Variants in GNG2 observed in about 807,000 individuals in gnomAD.
GNG2 encodes guanine nucleotide-binding protein G(I)/G(S)/G(O) subunit gamma-2.
A neutral mutation model predicts 5.5 loss-of-function variants in GNG2; 5 were observed. The observed-to-expected ratio is 0.91, with a 90% CI of 0.48 to 1.92. The LOEUF (loss-of-function observed/expected upper bound fraction) is 1.92. GNG2 is among the 30% of genes most tolerant of loss of function. The probability of loss-of-function intolerance (pLI) is 0.01; values close to 1 mark genes in which losing one functional copy is unlikely to be tolerated. For missense variants in GNG2, 55 were observed against 88.4 expected, an observed-to-expected ratio of 0.62 and a Z score of 1.52; for synonymous variants, 28 against 32.0, an observed-to-expected ratio of 0.88 and a Z score of 0.42.
intron 1 of GNG2, among the ~76,000 whole-genome samples, chr14:51,873,549 G>C (rs1193506516): frequency 6.6e-6 from 1 of 152,226 alleles, no homozygotes; most frequent in South Asian, 2.1e-4. Context: ...ATTGAATATA[G>C]GTTAGCCATA....
At position 51,877,978 on chromosome 14, in the gene GNG2, A is replaced by G. The variant is rs369582706; in HGVS notation, c.-30+321A>G. The stretch of plus-strand genomic sequence containing the variant: ...TTAATAGGTGGCAGACATTGAGGGC[A>G]TACCCTGTGCAAGATAAAGCCTCAG... On this transcript the variant is annotated intron_variant, in intron 2 of 3. Coordinates refer to ENST00000556766, the MANE Select transcript of GNG2 (RefSeq NM_053064.5). The G allele has an allele frequency of 1.7e-4, 37 of 213,058 alleles. No individual in the cohort carries two copies. The East Asian group carries it at 3.6e-3, about 21-fold the overall frequency. The allele number at this position is 213,058 out of a possible 1,614,324, so 13.2% of individuals were successfully genotyped here.
chr14:51,906,001 G>A (rs948255785), intron 2 of GNG2, among the ~76,000 whole-genome samples: 1 of 152,204 alleles, frequency 6.6e-6, no homozygotes, highest in African/African-American at 2.4e-5. Context: ...TTTATTAGCA[G>A]CATGAGAACA....
chr14:51,941,446 T>A (rs1778093477), intron 2 of GNG2, among the ~76,000 whole-genome samples: 1 of 152,238 alleles, frequency 6.6e-6, no homozygotes. Flanking sequence ...AATCCTAACT[T>A]GTAAATACAC....
chr14:51,903,504 TATTGGTGATG>T (rs554025681), intron 2 of GNG2, among the ~76,000 whole-genome samples: 129 of 152,334 alleles, frequency 8.5e-4, no homozygotes, highest in Non-Finnish European at 1.6e-3. Flanking sequence ...GCTCAAATAT[TATTGGTGATG>T]TTCAAAATCT....
intron 3 of GNG2, among the ~76,000 whole-genome samples, chr14:51,961,948 T>A (rs1173231433): frequency 6.6e-6 from 1 of 152,172 alleles, no homozygotes; most frequent in African/African-American, 2.4e-5. Context: ...AGGTTTTAAA[T>A]AGGAGAATGA....
At chr14:51,891,632 G>A (rs1171121291) in intron 2 of GNG2, among the ~76,000 whole-genome samples, 6 of 152,064 alleles carry the variant, frequency 3.9e-5, no homozygotes, top group South Asian at 4.1e-4. Context: ...ATATGGTTTA[G>A]TTTCACCTGT....
At chr14:51,864,516 A>G (rs1242781845) in intron 1 of GNG2, among the ~76,000 whole-genome samples, 1 of 152,226 alleles carries the variant, frequency 6.6e-6, no homozygotes, top group Non-Finnish European at 1.5e-5. Context: ...CGTAAATAAA[A>G]TACTCCTCTC....
intron 2 of GNG2, among the ~76,000 whole-genome samples, chr14:51,845,460 C>T (rs1881597181): frequency 6.6e-6 from 1 of 152,226 alleles, no homozygotes; most frequent in Admixed American, 6.5e-5. Flanking sequence ...TACCACTGCA[C>T]TCCAACCTGG....
chr14:51,945,631 G>A lies in GNG2; in HGVS notation c.-29-5019G>A, dbSNP rs992665882. The stretch of plus-strand genomic sequence containing the variant: ...TGGTGATGATTGCACAACAGTATAC[G>A]TGTATTTAATACCACTGAACTATAT... On this transcript the variant is annotated intron_variant, in intron 2 of 3. Coordinates refer to ENST00000556766, the MANE Select transcript of GNG2 (RefSeq NM_053064.5). Among the ~76,000 whole-genome samples the A allele has an allele frequency of 1.2e-4, 18 of 152,222 alleles. No individual in the cohort carries two copies. The South Asian group carries it at 2.3e-3, about 19-fold the overall frequency.
intron 2 of GNG2, among the ~76,000 whole-genome samples, chr14:51,945,206 T>C (rs1280400361): frequency 6.6e-6 from 1 of 152,030 alleles, no homozygotes; most frequent in African/African-American, 2.4e-5. Context: ...CCCCCAAAAT[T>C]GGAAGCAGGG....
At position 51,941,928 on chromosome 14, in the gene GNG2, T is replaced by C. The variant is rs577207035; in HGVS notation, c.-29-8722T>C. 3.3e-5 allele frequency among the ~76,000 whole-genome samples: 5 copies of C among 152,348 alleles called. No individual in the cohort carries two copies. In the East Asian group the frequency reaches 9.6e-4, roughly 29 times the overall value. ...TCTTCAGTCTGGAATTCAGGTGGGA[T>C]AATTAGGGCATTCTTTCAGAATTCT... On this transcript the variant is annotated intron_variant, in intron 2 of 3. Coordinates refer to ENST00000556766, the MANE Select transcript of GNG2 (RefSeq NM_053064.5).
chr14:51,937,602 T>A (rs761870552), intron 2 of GNG2, among the ~76,000 whole-genome samples: 1 of 148,208 alleles, frequency 6.7e-6, no homozygotes, highest in African/African-American at 2.5e-5. Flanking sequence ...GCTATGTATT[T>A]CTTTACAAAA....
chr14:51,861,731 G>T (rs1594846826), intron 1 of GNG2, among the ~76,000 whole-genome samples: 1 of 152,160 alleles, frequency 6.6e-6, no homozygotes, highest in Non-Finnish European at 1.5e-5. Flanking sequence ...ACACTAAATA[G>T]GTCTAGCAGA....
chr14:51,885,830 T>C (rs1018990468), intron 2 of GNG2, among the ~76,000 whole-genome samples: 1 of 152,200 alleles, frequency 6.6e-6, no homozygotes, highest in Non-Finnish European at 1.5e-5. Flanking sequence ...AGTATTTGTT[T>C]TGGGCTCAGA....
intron 2 of GNG2, among the ~76,000 whole-genome samples, chr14:51,908,800 G>A (rs1270564678): frequency 2.1e-5 from 3 of 142,370 alleles, no homozygotes; most frequent in South Asian, 2.2e-4. Context: ...GGCTGGCCTC[G>A]AACTCCTGAC....
intron 2 of GNG2, among the ~76,000 whole-genome samples, chr14:51,884,041 G>A (rs1884280142): frequency 6.6e-6 from 1 of 152,056 alleles, no homozygotes; most frequent in Non-Finnish European, 1.5e-5. Context: ...AGTGCCTAGA[G>A]GTAACCACTG....
intron 2 of GNG2, among the ~76,000 whole-genome samples, chr14:51,939,235 C>A (rs1888179623): frequency 6.6e-6 from 1 of 152,156 alleles, no homozygotes; most frequent in Non-Finnish European, 1.5e-5. Flanking sequence ...TTATCCAAGT[C>A]TCAGATAAAA....
intron 2 of GNG2, among the ~76,000 whole-genome samples, chr14:51,901,792 G>A (rs1191817609): frequency 6.6e-6 from 1 of 152,012 alleles, no homozygotes; most frequent in Non-Finnish European, 1.5e-5. Context: ...CCCTCTGGGA[G>A]GCATTAGCAT....
chr14:51,896,271 G>C (rs1015193481), intron 2 of GNG2, among the ~76,000 whole-genome samples: 5 of 152,184 alleles, frequency 3.3e-5, no homozygotes, highest in Non-Finnish European at 5.9e-5. Context: ...CTAATATTTA[G>C]AGAACATCTA....
Sources: allele counts gnomAD v4.1 joint callset (sites outside exome capture counted in the v4.1 genomes callset), GRCh38; gene constraint gnomAD v4.1.1; transcripts MANE v1.5; gene names NCBI Gene and HGNC (gene_info 2026-07-23, HGNC 2026-07-21).